The following RPRD1A variants were observed in gnomAD, a reference collection of about 807,000 sequenced individuals.
RPRD1A encodes the protein regulation of nuclear pre-mRNA domain containing 1A.
Under a neutral mutation model 37.8 loss-of-function variants are expected in RPRD1A, and 9 were observed. The ratio of observed to expected loss-of-function variants is 0.24; its 90% CI spans 0.14 to 0.42. The LOEUF (loss-of-function observed/expected upper bound fraction) is 0.42, where lower values mean the gene tolerates loss of function less well. RPRD1A is among the 10% of genes least tolerant of loss of function. The pLI is 1.00. For synonymous variants in RPRD1A, 138 were observed against 139.7 expected, an observed-to-expected ratio of 0.99 and a Z score of 0.08; for missense variants, 255 against 371.0, an observed-to-expected ratio of 0.69 and a Z score of 2.57.
chr18:36,009,080 C>T (rs1910003765), intron 6 of RPRD1A, among the ~76,000 whole-genome samples: 2 of 151,846 alleles, frequency 1.3e-5, no homozygotes, highest in South Asian at 4.2e-4. Flanking sequence ...TTAACTATTT[C>T]CTAGGGGAAG....
chr18:36,053,797 G>A (rs1442147514), intron 1 of RPRD1A, among the ~76,000 whole-genome samples: 1 of 152,132 alleles, frequency 6.6e-6, no homozygotes, highest in Non-Finnish European at 1.5e-5. Context: ...CTACAAGAAT[G>A]TTAGTAAATA....
At chr18:36,061,035 TG>T (rs1286552183) in intron 1 of RPRD1A, among the ~76,000 whole-genome samples, 1 of 152,030 alleles carries the variant, frequency 6.6e-6, no homozygotes, top group Non-Finnish European at 1.5e-5. Context: ...TTTGGCTCTT[TG>T]CATCCAAAGC....
At chr18:36,015,416 T>C (rs1042413193) in intron 6 of RPRD1A, among the ~76,000 whole-genome samples, 2 of 152,104 alleles carry the variant, frequency 1.3e-5, no homozygotes, top group African/African-American at 4.8e-5. Flanking sequence ...TTTCACCATG[T>C]TGGCCAGGCT....
intron 6 of RPRD1A, among the ~76,000 whole-genome samples, chr18:36,020,816 TA>T (rs886570320): frequency 9.5e-4 from 136 of 142,606 alleles, no homozygotes; most frequent in Admixed American, 1.1e-3. Context: ...CCTGTCTATT[TA>T]AAAAAAAAAA....
chr18:36,038,583 G>C (rs865972485), intron 1 of RPRD1A, among the ~76,000 whole-genome samples: 15 of 152,230 alleles, frequency 9.9e-5, no homozygotes, highest in Admixed American at 5.2e-4. Flanking sequence ...TGTGGGATTG[G>C]AGCTCTCACA....
intron 6 of RPRD1A, among the ~76,000 whole-genome samples, chr18:36,009,968 C>T (rs930497705): frequency 6.6e-6 from 1 of 152,120 alleles, no homozygotes; most frequent in East Asian, 1.9e-4. Flanking sequence ...TCATTTCTCT[C>T]CCTTCATTAT....
At chr18:36,060,389 G>A (rs1179696851) in intron 1 of RPRD1A, among the ~76,000 whole-genome samples, 6 of 151,904 alleles carry the variant, frequency 3.9e-5, no homozygotes, top group African/African-American at 1.2e-4. Flanking sequence ...AACCGAGATC[G>A]CGCCACTGCA....
intron 6 of RPRD1A, among the ~76,000 whole-genome samples, chr18:36,014,201 A>C (rs188455628): frequency 6.6e-6 from 1 of 152,362 alleles, no homozygotes; most frequent in East Asian, 1.9e-4. Flanking sequence ...ATAAAAAAGC[A>C]TATAAATTTC....
At chr18:36,066,393 G>A (rs1376738784) in intron 1 of RPRD1A, among the ~76,000 whole-genome samples, 1 of 152,138 alleles carries the variant, frequency 6.6e-6, no homozygotes, top group African/African-American at 2.4e-5. Flanking sequence ...ATATCCATCA[G>A]GATGTTTGCA....
At chr18:36,062,350 A>C (rs1275518076) in intron 1 of RPRD1A, among the ~76,000 whole-genome samples, 2 of 147,190 alleles carry the variant, frequency 1.4e-5, no homozygotes, top group African/African-American at 2.5e-5. Context: ...AAAAAAAAAC[A>C]TGTACCCACT....
At chr18:36,033,878 T>A in intron 1 of RPRD1A, 41 bp from the exon 2 acceptor site, 1 of 1,550,400 alleles carries the variant, frequency 6.4e-7, no homozygotes, top group Non-Finnish European at 8.8e-7. Context: ...TTAAAACATC[T>A]TTACTTGGAC....
At chr18:36,018,833 G>A (rs1659377397) in intron 6 of RPRD1A, among the ~76,000 whole-genome samples, 1 of 152,158 alleles carries the variant, frequency 6.6e-6, no homozygotes, top group African/African-American at 2.4e-5. Flanking sequence ...AGAGGAATGA[G>A]TAGATGGGAC....
intron 1 of RPRD1A, among the ~76,000 whole-genome samples, chr18:36,037,597 T>TGAAAATG (rs1438818623): frequency 3.9e-5 from 6 of 152,306 alleles, no homozygotes; most frequent in African/African-American, 9.6e-5. Context: ...TAAAGATACC[T>TGAAAATG]GAAAATGTGG....
In RPRD1A at chr18:36,031,099, TAAAAAAAAAA is replaced by T. The variant is rs377216293; in HGVS notation, c.282-12_282-3del. 1.8e-5 allele frequency: 25 copies of T among 1,370,740 alleles called. No homozygotes were observed. Among genetic ancestry groups the T allele is most frequent in the Non-Finnish European group, 2.4e-5 (25 of 1,060,808 alleles). The allele number at this position is 1,370,740 out of a possible 1,614,324, so 84.9% of individuals were successfully genotyped here. A position where few individuals can be genotyped will look rare whatever the true frequency, so the allele number is the denominator to read the frequency against. On this transcript the variant is annotated splice_polypyrimidine_tract_variant and splice_region_variant and intron_variant, in intron 2 of 6. Coordinates refer to ENST00000399022, the MANE Select transcript of RPRD1A (RefSeq NM_018170.5). ...TTCTTACAACTTTCATCAGTTTCAC[TAAAAAAAAAA>T]AAAAAGAAAAAAAGAAAAATGTTAA...
intron 6 of RPRD1A, among the ~76,000 whole-genome samples, chr18:35,994,801 C>T (rs931738005): frequency 9.2e-5 from 14 of 152,178 alleles, no homozygotes; most frequent in Admixed American, 8.5e-4. Flanking sequence ...AATCATTTTG[C>T]CCCTCCCTTC....
chr18:36,044,651 G>A (rs1286470922), intron 1 of RPRD1A, among the ~76,000 whole-genome samples: 3 of 151,756 alleles, frequency 2.0e-5, no homozygotes, highest in Non-Finnish European at 4.4e-5. Flanking sequence ...TGACACCACC[G>A]CACTCCAGCC....
intron 6 of RPRD1A, among the ~76,000 whole-genome samples, chr18:36,018,195 TTTA>T (rs79350609): frequency 0.17 from 25,678 of 152,040 alleles, 2,284 homozygotes; most frequent in East Asian, 0.25. Flanking sequence ...ATCATTTTTA[TTTA>T]TTAAAGTATC....
rs1370464258 is a variant in RPRD1A at position 35,990,238 on chromosome 18, G to GT, written c.*2912dup. ...CCAATTAGTTAATTTGTACTGTTGA[G>GT]TTTTTTCTCTCTAAAGATTTCTCAG... On this transcript the variant is annotated 3_prime_UTR_variant, in exon 7 of 7. Transcript: ENST00000399022. 2 of 152,100 alleles carry GT rather than the reference G, an allele frequency of 1.3e-5. No individual in the cohort carries two copies. The highest frequency in any genetic ancestry group is 2.9e-5 in the Non-Finnish European group (2 of 68,010). The allele number at this position is 152,100 out of a possible 1,614,324, so 9.4% of individuals were successfully genotyped here. A position where few individuals can be genotyped will look rare whatever the true frequency, so the allele number is the denominator to read the frequency against.
At chr18:36,050,860 TTTC>T (rs1913337396) in intron 1 of RPRD1A, among the ~76,000 whole-genome samples, 1 of 150,798 alleles carries the variant, frequency 6.6e-6, no homozygotes, top group Admixed American at 6.6e-5. Context: ...TTTCTTTTCT[TTTC>T]TTTTCTTTTT....
Sources: gnomAD v4.1 joint callset for allele counts (sites outside exome capture counted in the v4.1 genomes callset) on GRCh38, gnomAD v4.1.1 for gene constraint, MANE v1.5 for transcripts, NCBI Gene and HGNC (gene_info 2026-07-23, HGNC 2026-07-21) for gene names.